METTL24: variants seen among roughly 807,000 people sequenced by gnomAD.
METTL24 encodes the protein methyltransferase like 24, also known as probable methyltransferase-like protein 24.
A neutral mutation model predicts 32.7 loss-of-function variants in METTL24; 29 were observed. The observed-to-expected ratio is 0.89, with a 90% CI of 0.66 to 1.21. The LOEUF (loss-of-function observed/expected upper bound fraction) is 1.21, where lower values mean the gene tolerates loss of function less well. METTL24 is among the 50% of genes most tolerant of loss of function. METTL24 has a pLI of 0.00. For missense variants in METTL24, 439 were observed against 468.1 expected (o/e 0.94, Z 0.57); for synonymous variants, 163 against 179.5 (o/e 0.91, Z 0.73).
At chr6:110,332,473 C>T in intron 1 of METTL24, 2 of 980,360 alleles carry the variant, frequency 2.0e-6, no homozygotes, top group Non-Finnish European at 2.4e-6. Context: ...GAGATTTTCA[C>T]TTGTTTTCAT....
chr6:110,341,049 G>A (rs1772346240), intron 1 of METTL24, among the ~76,000 whole-genome samples: 1 of 150,924 alleles, frequency 6.6e-6, no homozygotes, highest in African/African-American at 2.4e-5. Flanking sequence ...GGCACTTTAT[G>A]TCTGTTTTTC....
rs147077272 is a variant in METTL24 at position 110,248,028 on chromosome 6, T to G, written c.787-1768A>C. 2.5e-3 allele frequency among the ~76,000 whole-genome samples: 388 copies of G among 152,212 alleles called. 2 individuals are homozygous for G. The highest frequency in any genetic ancestry group is 9.0e-3 in the African/African-American group (375 of 41,538). ...ATAGTGAGTGAGCTCTAGCTCTGAG[T>G]TCACGTAAGATCTGGCTGTTTAGAA... On this transcript the variant is annotated intron_variant, in intron 4 of 4. Coordinates refer to ENST00000338882, the MANE Select transcript of METTL24 (RefSeq NM_001123364.3).
intron 3 of METTL24, among the ~76,000 whole-genome samples, chr6:110,312,394 T>A (rs1275356859): frequency 6.6e-6 from 1 of 152,206 alleles, no homozygotes; most frequent in African/African-American, 2.4e-5. Flanking sequence ...AAGGGATGCC[T>A]GCATCCCCAT....
intron 4 of METTL24, among the ~76,000 whole-genome samples, chr6:110,253,298 G>C (rs1013672582): frequency 1.3e-5 from 2 of 152,140 alleles, no homozygotes; most frequent in Non-Finnish European, 2.9e-5. Context: ...CTGCATGAGA[G>C]ACCCTGAGCC....
At chr6:110,309,759 C>T (rs1771684530) in intron 3 of METTL24, among the ~76,000 whole-genome samples, 1 of 151,972 alleles carries the variant, frequency 6.6e-6, no homozygotes, top group Admixed American at 6.6e-5. Flanking sequence ...CCTCCCACAA[C>T]ATGTGGGAAT....
chr6:110,266,748 T>A (rs1770863961), intron 4 of METTL24, among the ~76,000 whole-genome samples: 1 of 152,180 alleles, frequency 6.6e-6, no homozygotes, highest in Non-Finnish European at 1.5e-5. Context: ...CATTTGAAAT[T>A]CTGGAATATA....
Position 110,245,282 on chromosome 6 carries a change from T to C in METTL24, c.*664A>G, listed in dbSNP as rs1046846864. Among the ~76,000 whole-genome samples, 8 of 152,016 alleles carry C rather than the reference T, an allele frequency of 5.3e-5. No individual in the cohort carries two copies. The highest frequency in any genetic ancestry group is 5.2e-4 in the Admixed American group (8 of 15,274). ...GGCTGTCTTCAAGCTGGGACATGGG[T>C]CTTGGTGAGGTCAAGACCTTCAGAC... is the stretch of plus-strand genomic sequence containing the variant. On this transcript the variant is annotated 3_prime_UTR_variant, in exon 5 of 5. Coordinates refer to ENST00000338882, the MANE Select transcript of METTL24 (RefSeq NM_001123364.3).
In METTL24 at chr6:110,322,781, G is replaced by A. The variant is rs781260689; in HGVS notation, c.410C>T (p.Thr137Ile). 3 of 1,612,866 alleles carry A rather than the reference G, an allele frequency of 1.9e-6. No homozygotes were observed. The highest frequency in any genetic ancestry group is 8.5e-7 in the Non-Finnish European group (1 of 1,179,152). The change falls in exon 2 of 5, where the codon ACC becomes ATC. Residue 137 changes from threonine (T) to isoleucine (I), a missense_variant. Thr to Ile is a moderately conservative substitution (Grantham distance 89). Coordinates refer to ENST00000338882, the MANE Select transcript of METTL24 (RefSeq NM_001123364.3). ...TTGAGCCTGAAACACAACCTGGGTG[G>A]TGCTGATATATCTCAGGAACCTCCA... is the stretch of plus-strand genomic sequence containing the variant. Reference protein sequence around the residue: ...EAWRFLRYISTTQIACNHMNT... With the variant: ...EAWRFLRYISITQIACNHMNT...
chr6:110,299,224 T>A, intron 3 of METTL24, 74 bp from the exon 4 acceptor site: 1 of 1,335,686 alleles, frequency 7.5e-7, no homozygotes, highest in Non-Finnish European at 1.1e-6. Context: ...AAGATGACAG[T>A]TCCAAGGCCA....
In METTL24 at chr6:110,358,086, C is replaced by T; in HGVS notation, c.187G>A (p.Gly63Ser). 1.0e-6 allele frequency: 1 copy of T among 998,028 alleles called. No individual in the cohort carries two copies. The highest frequency in any genetic ancestry group is 1.2e-6 in the Non-Finnish European group (1 of 839,956). 61.8% of individuals were successfully genotyped at this position (998,028 alleles called of 1,614,324 possible). A position where few individuals can be genotyped will look rare whatever the true frequency, so the allele number is the denominator to read the frequency against. Residue 63 changes from glycine to serine, a missense_variant, in exon 1 of 5, where the codon GGC becomes AGC. Transcript: ENST00000338882. ...PPGPHLPPAP[G>S]QPRGASRRQV... ...CTCCTGCTGGCGCCGCGCGGCTGGC[C>T]CGGCGCGGGCGGCAGGTGCGGCCCA...
chr6:110,313,558 C>T (rs1174014582), intron 3 of METTL24, among the ~76,000 whole-genome samples: 4 of 152,000 alleles, frequency 2.6e-5, no homozygotes, highest in African/African-American at 4.8e-5. Flanking sequence ...TATCCCAGGG[C>T]GTAAAATATT....
At chr6:110,337,451 A>G (rs1440254788) in intron 1 of METTL24, among the ~76,000 whole-genome samples, 1 of 152,236 alleles carries the variant, frequency 6.6e-6, no homozygotes, top group Non-Finnish European at 1.5e-5. Flanking sequence ...AGTGCACAGA[A>G]TAATAAAAAA....
At chr6:110,313,058 A>C (rs1458455370) in intron 3 of METTL24, among the ~76,000 whole-genome samples, 1 of 152,236 alleles carries the variant, frequency 6.6e-6, no homozygotes, top group African/African-American at 2.4e-5. Flanking sequence ...CCCTATGGAG[A>C]GGACATCCCC....
At chr6:110,250,682 C>T (rs919081721) in intron 4 of METTL24, among the ~76,000 whole-genome samples, 1 of 148,924 alleles carries the variant, frequency 6.7e-6, no homozygotes, top group Non-Finnish European at 1.5e-5. Context: ...TAGACAATTA[C>T]GGTTATCACT....
chr6:110,266,605 C>T (rs1770861693), intron 4 of METTL24, among the ~76,000 whole-genome samples: 1 of 152,120 alleles, frequency 6.6e-6, no homozygotes, highest in Non-Finnish European at 1.5e-5. Flanking sequence ...TCCTATCCCT[C>T]CTCTCTTACT....
chr6:110,350,113 G>A (rs1284305201), intron 1 of METTL24, among the ~76,000 whole-genome samples: 1 of 152,232 alleles, frequency 6.6e-6, no homozygotes, highest in Non-Finnish European at 1.5e-5. Flanking sequence ...CACTTTGGGT[G>A]CAAAGACAAG....
intron 4 of METTL24, among the ~76,000 whole-genome samples, chr6:110,277,045 C>T (rs994290824): frequency 6.6e-6 from 1 of 152,106 alleles, no homozygotes; most frequent in African/African-American, 2.4e-5. Flanking sequence ...AACATTTTTT[C>T]TATTTAAAAT....
At chr6:110,353,860 A>G (rs1458662739) in intron 1 of METTL24, among the ~76,000 whole-genome samples, 1 of 152,068 alleles carries the variant, frequency 6.6e-6, no homozygotes, top group East Asian at 1.9e-4. Context: ...AATCATGAAG[A>G]CCATATCTAG....
At chr6:110,278,915 G>T (rs1156400003) in intron 4 of METTL24, among the ~76,000 whole-genome samples, 1 of 152,156 alleles carries the variant, frequency 6.6e-6, no homozygotes, top group Non-Finnish European at 1.5e-5. Context: ...CCAGCTACTT[G>T]GGAGGCTGAG....
Sources: gnomAD v4.1 joint callset for allele counts (sites outside exome capture counted in the v4.1 genomes callset) on GRCh38, gnomAD v4.1.1 for gene constraint, MANE v1.5 for transcripts, NCBI Gene and HGNC (gene_info 2026-07-23, HGNC 2026-07-21) for gene names.